TMEM163: variants seen among roughly 807,000 people sequenced by gnomAD.
The protein encoded by TMEM163 is transmembrane protein 163.
A neutral mutation model predicts 29.3 loss-of-function variants in TMEM163; 17 were observed. The observed-to-expected ratio is 0.58, with a 90% CI of 0.40 to 0.87. The LOEUF (loss-of-function observed/expected upper bound fraction) is 0.87. Ranked by LOEUF, TMEM163 falls within the 40% of genes least tolerant of loss-of-function variation. TMEM163 has a pLI of 0.00. For missense variants in TMEM163, 303 were observed against 381.5 expected (o/e 0.79, Z 1.71); for synonymous variants, 157 against 160.6 (o/e 0.98, Z 0.17).
At chr2:134,661,183 C>CTCT (rs1683742130) in intron 2 of TMEM163, among the ~76,000 whole-genome samples, 1 of 151,722 alleles carries the variant, frequency 6.6e-6, no homozygotes, top group African/African-American at 2.4e-5. Context: ...CTCTCTCTCT[C>CTCT]CCATGAGATG....
intron 2 of TMEM163, among the ~76,000 whole-genome samples, chr2:134,576,122 G>C (rs751750685): frequency 1.3e-5 from 2 of 152,150 alleles, no homozygotes; most frequent in African/African-American, 2.4e-5. Flanking sequence ...CTGAGGAAAA[G>C]GTATTTGACT....
intron 4 of TMEM163, 110 bp downstream of exon 4, chr2:134,550,460 C>T: frequency 2.9e-6 from 3 of 1,027,602 alleles, no homozygotes; most frequent in Non-Finnish European, 4.4e-6. Flanking sequence ...TGGGGACCTT[C>T]TTCTCATCAC....
rs141296337 is a variant in TMEM163, at chr2:134,635,684, C to T, written c.322+77516G>A. ...CAATAAGCCCATGCAGAAAGAAATA[C>T]GGAAACCCAGACACAGATAAAGGCC... On this transcript the variant is annotated intron_variant, in intron 2 of 7. Transcript: ENST00000281924. Among the ~76,000 whole-genome samples the T allele has an allele frequency of 4.7e-3, 717 of 152,182 alleles. 5 individuals are homozygous for T. The highest frequency in any genetic ancestry group is 0.016 in the African/African-American group (684 of 41,510).
intron 2 of TMEM163, among the ~76,000 whole-genome samples, chr2:134,690,006 C>T (rs934658661): frequency 2.0e-5 from 3 of 151,996 alleles, no homozygotes; most frequent in Admixed American, 6.6e-5. Flanking sequence ...TCTCGGCTCA[C>T]TGCAATTTCC....
intron 5 of TMEM163, among the ~76,000 whole-genome samples, chr2:134,476,733 G>T (rs565107342): frequency 6.6e-6 from 1 of 152,318 alleles, no homozygotes; most frequent in East Asian, 1.9e-4. Context: ...AGTCTCAGGA[G>T]CTTCCTATGG....
In TMEM163 at chr2:134,699,777, A is replaced by C. The variant is rs116379544; in HGVS notation, c.322+13423T>G. ...CTATAATCCCATCAATTTTTGTTTG[A>C]GTGCTCTGGGGTTTTGTTGTTTGGT... On this transcript the variant is annotated intron_variant, in intron 2 of 7. Transcript: ENST00000281924. Among the ~76,000 whole-genome samples the C allele has an allele frequency of 5.6e-3, 853 of 152,132 alleles. 11 individuals carry two copies. Among genetic ancestry groups the C allele is most frequent in the African/African-American group, 0.02 (820 of 41,500 alleles).
intron 4 of TMEM163, among the ~76,000 whole-genome samples, chr2:134,513,087 T>C (rs955503298): frequency 6.6e-6 from 1 of 152,202 alleles, no homozygotes; most frequent in African/African-American, 2.4e-5. Flanking sequence ...TGTTCAGGGA[T>C]ATATTCTGAA....
chr2:134,580,828 G>A (rs948010732), intron 2 of TMEM163, among the ~76,000 whole-genome samples: 8 of 152,170 alleles, frequency 5.3e-5, no homozygotes, highest in African/African-American at 9.7e-5. Flanking sequence ...CAGGAGAATC[G>A]CTTGAACCCC....
At chr2:134,604,436 G>GAAAA (rs5834421) in intron 2 of TMEM163, among the ~76,000 whole-genome samples, 1 of 142,518 alleles carries the variant, frequency 7.0e-6, no homozygotes. Flanking sequence ...GCTTTTACTG[G>GAAAA]AAAAAAAAAA....
chr2:134,692,476 C>T (rs760471881), intron 2 of TMEM163, among the ~76,000 whole-genome samples: 5 of 152,222 alleles, frequency 3.3e-5, no homozygotes, highest in Non-Finnish European at 7.4e-5. Flanking sequence ...GCTTGGGCTG[C>T]CATAACAAAA....
At chr2:134,477,765 A>G (rs768112892) in intron 5 of TMEM163, among the ~76,000 whole-genome samples, 10 of 152,242 alleles carry the variant, frequency 6.6e-5, no homozygotes, top group Admixed American at 3.9e-4. Flanking sequence ...ACCCAAGGTC[A>G]TACCTATTGA....
intron 5 of TMEM163, among the ~76,000 whole-genome samples, chr2:134,493,758 C>T (rs1679483763): frequency 6.6e-6 from 1 of 152,204 alleles, no homozygotes; most frequent in Non-Finnish European, 1.5e-5. Context: ...TGTATAGTTT[C>T]AGGTTTTACA....
At chr2:134,618,505 G>A (rs1333569390) in intron 2 of TMEM163, among the ~76,000 whole-genome samples, 1 of 152,016 alleles carries the variant, frequency 6.6e-6, no homozygotes, top group Non-Finnish European at 1.5e-5. Flanking sequence ...ATGAGAATCA[G>A]TAAAGATATA....
intron 2 of TMEM163, among the ~76,000 whole-genome samples, chr2:134,581,813 C>T (rs553592804): frequency 1.3e-5 from 2 of 152,292 alleles, no homozygotes; most frequent in African/African-American, 4.8e-5. Flanking sequence ...CACAACTTTA[C>T]AAGAAGCAGC....
At chr2:134,470,219 C>T (rs539915071) in intron 5 of TMEM163, among the ~76,000 whole-genome samples, 1 of 152,068 alleles carries the variant, frequency 6.6e-6, no homozygotes, top group Admixed American at 6.5e-5. Context: ...TAGCTGGGCG[C>T]GGTGGCGGGC....
At chr2:134,577,285 C>G (rs918303728) in intron 2 of TMEM163, among the ~76,000 whole-genome samples, 1 of 152,198 alleles carries the variant, frequency 6.6e-6, no homozygotes, top group Non-Finnish European at 1.5e-5. Flanking sequence ...TAGCACACAT[C>G]GTGGCTCTTC....
intron 2 of TMEM163, among the ~76,000 whole-genome samples, chr2:134,596,272 T>C (rs7588102): frequency 0.64 from 97,346 of 151,906 alleles, 32,535 homozygotes; most frequent in African/African-American, 0.78. Flanking sequence ...TTTAATCCAT[T>C]TTGAATTAAT....
intron 2 of TMEM163, among the ~76,000 whole-genome samples, chr2:134,605,164 G>C (rs1682324449): frequency 6.7e-6 from 1 of 149,508 alleles, no homozygotes; most frequent in African/African-American, 2.5e-5. Context: ...GCGACAGAGT[G>C]AGACTTGGTC....
chr2:134,716,420 G>C (rs547156892), intron 1 of TMEM163, among the ~76,000 whole-genome samples: 1 of 152,310 alleles, frequency 6.6e-6, no homozygotes, highest in East Asian at 1.9e-4. Flanking sequence ...CAAAACACTA[G>C]ATTTTAAAGC....
Sources: gnomAD v4.1 joint callset for allele counts (sites outside exome capture counted in the v4.1 genomes callset) on GRCh38, gnomAD v4.1.1 for gene constraint, MANE v1.5 for transcripts, NCBI Gene and HGNC (gene_info 2026-07-23, HGNC 2026-07-21) for gene names.